The following SCAPER variants were observed in gnomAD, a reference collection of about 807,000 sequenced individuals.
The protein encoded by SCAPER is S-phase cyclin A associated protein in the ER.
Under a neutral mutation model 182.2 loss-of-function variants are expected in SCAPER, and 98 were observed. That is an observed-to-expected ratio of 0.54 (90% CI 0.46 to 0.64). The LOEUF is 0.64. Among genes scored for constraint, SCAPER ranks in the 30% least tolerant of loss-of-function variants. The pLI, the probability that SCAPER is intolerant of heterozygous loss-of-function variation, is 0.00. For missense variants in SCAPER, 1,432 were observed against 1,690.0 expected (o/e 0.85, Z 2.68); for synonymous variants, 605 against 564.6 (o/e 1.07, Z -1.01).
chr15:76,498,009 AAAAAAAAAAAAT>A (rs1292299543), intron 24 of SCAPER, among the ~76,000 whole-genome samples: 8 of 142,566 alleles, frequency 5.6e-5, no homozygotes, highest in African/African-American at 1.6e-4. Flanking sequence ...AAAAAAAAAA[AAAAAAAAAAAAT>A]AAGCACATGA....
intron 25 of SCAPER, among the ~76,000 whole-genome samples, chr15:76,456,776 A>G (rs2164101): frequency 0.4 from 60,445 of 152,020 alleles, 14,292 homozygotes; most frequent in Middle Eastern, 0.55. Context: ...TTTTTGCTTC[A>G]TGTATTTTGT....
At chr15:76,593,878 C>A (rs191546615) in intron 22 of SCAPER, among the ~76,000 whole-genome samples, 2,548 of 121,112 alleles carry the variant, frequency 0.021, 322 homozygotes, top group African/African-American at 0.061. Context: ...AAAACCAGCA[C>A]AAAAAGGCTG....
chr15:76,875,898 C>T (rs1022070004), intron 2 of SCAPER, among the ~76,000 whole-genome samples: 4 of 152,296 alleles, frequency 2.6e-5, no homozygotes, highest in Middle Eastern at 6.8e-3. Flanking sequence ...CGAGGAGGCT[C>T]GGGCCGCGCA....
chr15:76,415,037 A>C (rs149553452), intron 26 of SCAPER, among the ~76,000 whole-genome samples: 1 of 152,206 alleles, frequency 6.6e-6, no homozygotes, highest in African/African-American at 2.4e-5. Flanking sequence ...AATGACTGAC[A>C]AACAATGCTC....
intron 5 of SCAPER, among the ~76,000 whole-genome samples, chr15:76,814,207 T>C (rs889155018): frequency 2.6e-5 from 4 of 151,970 alleles, no homozygotes; most frequent in Non-Finnish European, 5.9e-5. Flanking sequence ...ACATGCTCAA[T>C]GCAATCACTA....
At chr15:76,588,046 C>T (rs1428656870) in intron 22 of SCAPER, among the ~76,000 whole-genome samples, 2 of 152,016 alleles carry the variant, frequency 1.3e-5, no homozygotes, top group African/African-American at 2.4e-5. Flanking sequence ...CTCAGCCTCC[C>T]GAGTAGCTGG....
At chr15:76,429,512 T>C (rs1567121883) in intron 26 of SCAPER, among the ~76,000 whole-genome samples, 1 of 152,112 alleles carries the variant, frequency 6.6e-6, no homozygotes, top group Non-Finnish European at 1.5e-5. Flanking sequence ...CAGATGGCGA[T>C]GAGGAAATTG....
chr15:76,686,237 C>T (rs938393678), intron 20 of SCAPER, among the ~76,000 whole-genome samples: 1 of 151,786 alleles, frequency 6.6e-6, no homozygotes, highest in Non-Finnish European at 1.5e-5. Context: ...CCCAATAGAA[C>T]TCAACAGAAA....
intron 23 of SCAPER, among the ~76,000 whole-genome samples, chr15:76,522,927 TAG>T (rs2042935250): frequency 6.6e-6 from 1 of 152,094 alleles, no homozygotes; most frequent in Non-Finnish European, 1.5e-5. Context: ...TTCATCAAAA[TAG>T]ACTGTTAGTA....
intron 17 of SCAPER, among the ~76,000 whole-genome samples, chr15:76,709,034 C>A (rs906357462): frequency 1.6e-4 from 25 of 152,030 alleles, no homozygotes; most frequent in African/African-American, 4.8e-4. Flanking sequence ...CCACTGCACT[C>A]CAGCCTGGGC....
In SCAPER at chr15:76,354,147, TG is replaced by T; in HGVS notation, c.3856-8del. The T allele has an allele frequency of 1.3e-6, 2 of 1,598,080 alleles. No homozygotes were observed. Among genetic ancestry groups the T allele is most frequent in the Non-Finnish European group, 1.7e-6 (2 of 1,174,552 alleles). On this transcript the variant is annotated splice_region_variant and splice_polypyrimidine_tract_variant and intron_variant, in intron 29 of 31. Coordinates refer to ENST00000563290, the MANE Select transcript of SCAPER (RefSeq NM_020843.4). The surrounding 1 kb of genome is among the most constrained non-coding windows in gnomAD (Gnocchi z 4.4). Reference sequence around the variant, plus strand: ...GGCCGGACTGCACGATCACCTGAAATGGAAGAGCAGCCCAGGTCAGCTGCCG... The same window carrying T: ...GGCCGGACTGCACGATCACCTGAAATGAAGAGCAGCCCAGGTCAGCTGCCG...
At chr15:76,742,466 T>TAAAAAAAAAAAAAAAAAA (rs55751202) in intron 15 of SCAPER, among the ~76,000 whole-genome samples, 1 of 37,026 alleles carries the variant, frequency 2.7e-5, no homozygotes, top group Non-Finnish European at 4.7e-5. Flanking sequence ...TGTCTTTTCC[T>TAAAAAAAAAAAAAAAAAA]AAAAAAAAAA....
At chr15:76,392,381 A>C (rs1048422162) in intron 27 of SCAPER, among the ~76,000 whole-genome samples, 1 of 152,246 alleles carries the variant, frequency 6.6e-6, no homozygotes, top group Non-Finnish European at 1.5e-5. Context: ...TGTCATGTCC[A>C]ACCCTGTGAG....
At position 76,604,058 on chromosome 15, in the gene SCAPER, G is replaced by C. The variant is rs1406022429; in HGVS notation, c.2711+17706C>G. 4.2e-5 allele frequency among the ~76,000 whole-genome samples: 5 copies of C among 120,314 alleles called. 1 individual carries two copies. The highest frequency in any genetic ancestry group is 2.8e-4 in the Admixed American group (3 of 10,594). The allele number at this position is 120,314 out of a possible 152,430, so 78.9% of individuals were successfully genotyped here. On this transcript the variant is annotated intron_variant, in intron 22 of 31. Transcript: ENST00000563290. Reference sequence around the variant, plus strand: ...ATCCCATTTGTCAATTTTGGCTTTTGTTGCCATTGCTTTTGGTGTTTTAGA... The same window carrying C: ...ATCCCATTTGTCAATTTTGGCTTTTCTTGCCATTGCTTTTGGTGTTTTAGA...
chr15:76,817,018 A>G (rs2067142633), intron 5 of SCAPER, among the ~76,000 whole-genome samples: 2 of 152,194 alleles, frequency 1.3e-5, no homozygotes, highest in Admixed American at 1.3e-4. Context: ...TATGCACTAT[A>G]CTTCCATGCA....
chr15:76,580,024 C>A (rs2048152797), intron 22 of SCAPER, among the ~76,000 whole-genome samples: 2 of 151,928 alleles, frequency 1.3e-5, no homozygotes, highest in Non-Finnish European at 2.9e-5. Flanking sequence ...ATATGTAAAG[C>A]AAATATTATT....
At chr15:76,588,603 T>C (rs879891944) in intron 22 of SCAPER, among the ~76,000 whole-genome samples, 6 of 152,178 alleles carry the variant, frequency 3.9e-5, no homozygotes, top group Non-Finnish European at 7.3e-5. Flanking sequence ...TCAACGTGAG[T>C]ATTGAGATGT....
intron 25 of SCAPER, among the ~76,000 whole-genome samples, chr15:76,459,468 C>T (rs534526714): frequency 6.6e-6 from 1 of 150,916 alleles, no homozygotes; most frequent in African/African-American, 2.4e-5. Flanking sequence ...TTTTCATATA[C>T]CTGTTGGCTA....
intron 28 of SCAPER, among the ~76,000 whole-genome samples, chr15:76,379,364 G>A (rs2042784203): frequency 1.3e-5 from 2 of 152,136 alleles, no homozygotes; most frequent in Non-Finnish European, 2.9e-5. Context: ...GGAAGAAAAG[G>A]TACTGGAGAA....
Sources: gnomAD v4.1 joint callset for allele counts (sites outside exome capture counted in the v4.1 genomes callset) on GRCh38, gnomAD v4.1.1 for gene constraint, Gnocchi (gnomAD v3.1) non-coding constraint, MANE v1.5 for transcripts, NCBI Gene and HGNC (gene_info 2026-07-23, HGNC 2026-07-21) for gene names.